UBE2H: variants seen among roughly 807,000 people sequenced by gnomAD.
UBE2H encodes ubiquitin-conjugating enzyme E2 H.
Under a neutral mutation model 29.0 loss-of-function variants are expected in UBE2H, and 3 were observed. That is an observed-to-expected ratio of 0.10 (90% CI 0.05 to 0.27). UBE2H has a LOEUF of 0.27. Ranked by LOEUF, UBE2H falls within the 10% of genes least tolerant of loss-of-function variation. UBE2H has a pLI of 1.00. For synonymous variants in UBE2H, 69 were observed against 82.9 expected, an observed-to-expected ratio of 0.83 and a Z score of 0.91; for missense variants, 68 against 228.2, an observed-to-expected ratio of 0.30 and a Z score of 4.52.
chr7:129,940,955 C>T (rs6979056), intron 1 of UBE2H, among the ~76,000 whole-genome samples: 27,923 of 152,088 alleles, frequency 0.18, 2,839 homozygotes, highest in African/African-American at 0.26. Flanking sequence ...AAATAACAAA[C>T]TGGAATCTTT....
chr7:129,856,681 C>T (rs1805712075), intron 5 of UBE2H, among the ~76,000 whole-genome samples: 1 of 152,178 alleles, frequency 6.6e-6, no homozygotes, highest in South Asian at 2.1e-4. Context: ...CCCTAATTAA[C>T]TTCAAATACA....
rs571220862 is a variant in UBE2H at position 129,840,311 on chromosome 7, C to T, written c.299-976G>A. 9.2e-5 allele frequency among the ~76,000 whole-genome samples: 14 copies of T among 152,130 alleles called. No homozygotes were observed. In the East Asian group the frequency reaches 2.7e-3, roughly 29 times the overall value. On this transcript the variant is annotated intron_variant, in intron 5 of 6. Coordinates refer to ENST00000355621, the MANE Select transcript of UBE2H (RefSeq NM_003344.4). ...AGCCAACCTCCCAGCCTCAGTCTTCCAAGTAAATTGGACTATAGGCATGTG... is the reference window on the plus strand; with the variant it reads ...AGCCAACCTCCCAGCCTCAGTCTTCTAAGTAAATTGGACTATAGGCATGTG...
intron 1 of UBE2H, among the ~76,000 whole-genome samples, chr7:129,889,965 T>C (rs1806441102): frequency 6.6e-6 from 1 of 151,824 alleles, no homozygotes; most frequent in Non-Finnish European, 1.5e-5. Flanking sequence ...CCCCCATCAC[T>C]ACAAAAAACA....
chr7:129,929,443 C>T (rs973194763), intron 1 of UBE2H, among the ~76,000 whole-genome samples: 1 of 152,006 alleles, frequency 6.6e-6, no homozygotes, highest in African/African-American at 2.4e-5. Flanking sequence ...CATTTCATTA[C>T]ATCTATGACA....
intron 1 of UBE2H, among the ~76,000 whole-genome samples, chr7:129,943,864 G>A (rs914299758): frequency 3.3e-5 from 5 of 152,152 alleles, no homozygotes; most frequent in East Asian, 1.9e-4. Context: ...CTGGGCGACA[G>A]AGCGAGACTG....
At chr7:129,867,723 C>CAAAAAA (rs1563027569) in intron 3 of UBE2H, among the ~76,000 whole-genome samples, 4 of 65,562 alleles carry the variant, frequency 6.1e-5, no homozygotes, top group African/African-American at 2.1e-4. Context: ...AAAAAGAAAA[C>CAAAAAA]CAAAAAAAAA....
chr7:129,903,627 G>A (rs1806760452), intron 1 of UBE2H, among the ~76,000 whole-genome samples: 3 of 152,158 alleles, frequency 2.0e-5, no homozygotes, highest in Admixed American at 1.3e-4. Flanking sequence ...GGCTGCATGT[G>A]GTGGCTCACG....
chr7:129,832,611 A>T lies in UBE2H; in HGVS notation c.*2326T>A, dbSNP rs1805249468. The T allele has an allele frequency of 6.6e-6, 1 of 152,204 alleles. No homozygotes were observed. Among genetic ancestry groups the T allele is most frequent in the Non-Finnish European group, 1.5e-5 (1 of 68,058 alleles). 9.4% of individuals were successfully genotyped at this position (152,204 alleles called of 1,614,324 possible). ...GCTCTCTGGTGCTGGGGCTCTGGTC[A>T]GAGGCGAGCCAATGTCTTATCATTA... On this transcript the variant is annotated 3_prime_UTR_variant, in exon 7 of 7. Coordinates refer to ENST00000355621, the MANE Select transcript of UBE2H (RefSeq NM_003344.4).
intron 1 of UBE2H, among the ~76,000 whole-genome samples, chr7:129,907,371 C>T (rs932679648): frequency 6.6e-6 from 1 of 152,012 alleles, no homozygotes; most frequent in African/African-American, 2.4e-5. Context: ...TAAGGAAAGG[C>T]CAAGCAGTCA....
At chr7:129,874,716 A>G (rs1188336725) in intron 3 of UBE2H, among the ~76,000 whole-genome samples, 1 of 152,164 alleles carries the variant, frequency 6.6e-6, no homozygotes, top group African/African-American at 2.4e-5. Context: ...TTTTCAGTTC[A>G]TATGAAGAGA....
At chr7:129,891,810 C>CAAAAA (rs60595166) in intron 1 of UBE2H, among the ~76,000 whole-genome samples, 4 of 145,596 alleles carry the variant, frequency 2.7e-5, no homozygotes, top group African/African-American at 1.0e-4. Context: ...AAAACAAAAA[C>CAAAAA]AAAAAAAAAA....
intron 1 of UBE2H, among the ~76,000 whole-genome samples, chr7:129,943,993 T>A (rs1193584225): frequency 6.6e-6 from 1 of 152,152 alleles, no homozygotes; most frequent in East Asian, 1.9e-4. Context: ...TCATATACTA[T>A]AAAATAAGGT....
chr7:129,900,206 G>T (rs1806682061), intron 1 of UBE2H, among the ~76,000 whole-genome samples: 1 of 152,006 alleles, frequency 6.6e-6, no homozygotes, highest in African/African-American at 2.4e-5. Flanking sequence ...TATTTCTTAG[G>T]TGGACCTGAT....
intron 1 of UBE2H, among the ~76,000 whole-genome samples, chr7:129,926,615 A>G (rs1563048867): frequency 6.6e-6 from 1 of 152,122 alleles, no homozygotes; most frequent in Non-Finnish European, 1.5e-5. Context: ...AAGCAGAGGC[A>G]TTTCAAAAAA....
At chr7:129,875,481 T>C (rs1340577435) in intron 3 of UBE2H, among the ~76,000 whole-genome samples, 1 of 152,206 alleles carries the variant, frequency 6.6e-6, no homozygotes, top group Non-Finnish European at 1.5e-5. Context: ...TAAATATTTC[T>C]TTAGATAATT....
Position 129,952,932 on chromosome 7 carries a change from A to G in UBE2H, c.-377T>C. On this transcript the variant is annotated 5_prime_UTR_variant, in exon 1 of 7. Coordinates refer to ENST00000355621, the MANE Select transcript of UBE2H (RefSeq NM_003344.4). ...CACTATAAGCGGACGACTCCTGCTCAGTCGGCCTCCCTACCCCAGCCTCGC... is the reference window on the plus strand; with the variant it reads ...CACTATAAGCGGACGACTCCTGCTCGGTCGGCCTCCCTACCCCAGCCTCGC... 1 of 162,230 alleles carries G rather than the reference A, an allele frequency of 6.2e-6. No individual in the cohort carries two copies. The highest frequency in any genetic ancestry group is 1.3e-5 in the Non-Finnish European group (1 of 74,712). The allele number at this position is 162,230 out of a possible 1,614,324, so 10.0% of individuals were successfully genotyped here.
At chr7:129,920,846 G>A (rs199733394) in intron 1 of UBE2H, among the ~76,000 whole-genome samples, 5 of 15,782 alleles carry the variant, frequency 3.2e-4, no homozygotes, top group Middle Eastern at 0.071. Flanking sequence ...ACTAGAAAAA[G>A]TCAAAAAAAA....
chr7:129,903,851 A>G (rs1250067498), intron 1 of UBE2H, among the ~76,000 whole-genome samples: 1 of 152,264 alleles, frequency 6.6e-6, no homozygotes, highest in South Asian at 2.1e-4. Context: ...GGCTACAGGT[A>G]GCTATGCTGG....
At chr7:129,890,860 C>T (rs986764327) in intron 1 of UBE2H, among the ~76,000 whole-genome samples, 3 of 152,052 alleles carry the variant, frequency 2.0e-5, no homozygotes, top group African/African-American at 7.2e-5. Context: ...ATAGGCTGGG[C>T]ATGGTGGCTC....
Sources: gnomAD v4.1 joint callset for allele counts (sites outside exome capture counted in the v4.1 genomes callset) on GRCh38, gnomAD v4.1.1 for gene constraint, MANE v1.5 for transcripts, NCBI Gene and HGNC (gene_info 2026-07-23, HGNC 2026-07-21) for gene names.